Variants in IQGAP2 observed in about 807,000 individuals in gnomAD.
IQGAP2 encodes the protein IQ motif containing GTPase activating protein 2.
IQGAP2 carries 173 observed loss-of-function variants against 201.3 expected under a neutral mutation model. The ratio of observed to expected loss-of-function variants is 0.86; its 90% confidence interval spans 0.76 to 0.98. The LOEUF is 0.98. Ranked by LOEUF, IQGAP2 falls within the 50% of genes least tolerant of loss-of-function variation. IQGAP2 has a pLI of 0.00. For missense variants in IQGAP2, 1,687 were observed against 1,864.8 expected, an observed-to-expected ratio of 0.90 and a Z score of 1.76; for synonymous variants, 675 against 673.9, an observed-to-expected ratio of 1.00 and a Z score of -0.03.
At chr5:76,561,912 C>T (rs2150253716) in intron 2 of IQGAP2, among the ~76,000 whole-genome samples, 1 of 152,320 alleles carries the variant, frequency 6.6e-6, no homozygotes, top group East Asian at 1.9e-4. Flanking sequence ...TGCCCCTTTT[C>T]CATGCCTTCC....
rs377308848 is a variant in IQGAP2, at chr5:76,695,464, A to G, written c.4004A>G (p.His1335Arg). 13 of 1,613,890 alleles carry G rather than the reference A, an allele frequency of 8.1e-6. No individual in the cohort carries two copies. In the African/African-American group the frequency reaches 1.7e-4, roughly 22 times the overall value. Residue 1335 changes from histidine (H) to arginine (R), a missense_variant, in exon 32 of 36, where the codon CAT (histidine) becomes CGT (arginine). Transcript: ENST00000274364. ...TPATAQQEVD[H>R]ATDMVSRAMI... Reference sequence around the variant, plus strand: ...ATATTCTCTTTTCAGGAGGTAGACCATGCCACGGACATGGTGAGCCGTGCA... The same window carrying G: ...ATATTCTCTTTTCAGGAGGTAGACCGTGCCACGGACATGGTGAGCCGTGCA...
chr5:76,626,510 G>A (rs1023352169), intron 13 of IQGAP2, among the ~76,000 whole-genome samples: 2 of 151,756 alleles, frequency 1.3e-5, no homozygotes, highest in Non-Finnish European at 2.9e-5. Context: ...ACCTCAAGTG[G>A]TCCACCACCC....
At chr5:76,517,519 G>C (rs924707168) in intron 2 of IQGAP2, among the ~76,000 whole-genome samples, 1 of 151,730 alleles carries the variant, frequency 6.6e-6, no homozygotes, top group Non-Finnish European at 1.5e-5. Context: ...AGTCTGAGTT[G>C]GGAGGATCGC....
intron 6 of IQGAP2, 37 bp from the exon 7 acceptor site, chr5:76,589,578 C>A: frequency 8.4e-7 from 1 of 1,187,862 alleles, no homozygotes; most frequent in South Asian, 1.4e-5. Context: ...CTGTAGCTTT[C>A]TCTGATAATG....
At chr5:76,664,167 T>C (rs1362181440) in intron 21 of IQGAP2, among the ~76,000 whole-genome samples, 1 of 152,244 alleles carries the variant, frequency 6.6e-6, no homozygotes, top group African/African-American at 2.4e-5. Flanking sequence ...TTCTAGCTTT[T>C]GATTTAAAGT....
At chr5:76,428,844 G>C (rs901288259) in intron 1 of IQGAP2, among the ~76,000 whole-genome samples, 1 of 151,314 alleles carries the variant, frequency 6.6e-6, no homozygotes, top group Non-Finnish European at 1.5e-5. Context: ...TGTAATCCCA[G>C]CACTGTGGGA....
At chr5:76,408,060 C>A (rs1347722380) in intron 1 of IQGAP2, among the ~76,000 whole-genome samples, 1 of 152,044 alleles carries the variant, frequency 6.6e-6, no homozygotes, top group Non-Finnish European at 1.5e-5. Flanking sequence ...ATAGGGGAAT[C>A]CCAAGCAGGG....
rs561413076 is a variant in IQGAP2 at position 76,644,840 on chromosome 5, A to G, written c.2094+3737A>G. ...ATGAGGCATGTAGTATTCTGCTTCTATGGAACAAAAAAATTCTTTTATTAT... is the reference window on the plus strand; with the variant it reads ...ATGAGGCATGTAGTATTCTGCTTCTGTGGAACAAAAAAATTCTTTTATTAT... On this transcript the variant is annotated intron_variant, in intron 17 of 35. Coordinates refer to ENST00000274364, the MANE Select transcript of IQGAP2 (RefSeq NM_006633.5). Among the ~76,000 whole-genome samples the G allele has an allele frequency of 5.3e-5, 8 of 152,314 alleles. No homozygotes were observed. The South Asian group carries it at 1.0e-3, about 20-fold the overall frequency.
At chr5:76,530,226 C>T (rs370308559) in intron 2 of IQGAP2, among the ~76,000 whole-genome samples, 2 of 152,030 alleles carry the variant, frequency 1.3e-5, no homozygotes, top group South Asian at 2.1e-4. Context: ...TTATGCTATT[C>T]TTTTTTAAAA....
chr5:76,522,349 A>C (rs1473535396), intron 2 of IQGAP2, among the ~76,000 whole-genome samples: 1 of 151,800 alleles, frequency 6.6e-6, no homozygotes, highest in South Asian at 2.1e-4. Flanking sequence ...TGCCCTGCTA[A>C]TTTTTGTATT....
At chr5:76,628,605 C>G (rs1191343905) in intron 14 of IQGAP2, 19 of 398,608 alleles carry the variant, frequency 4.8e-5, no homozygotes, top group African/African-American at 4.3e-5. Context: ...ACTAACCTGC[C>G]AACTGATGGC....
intron 5 of IQGAP2, among the ~76,000 whole-genome samples, chr5:76,588,283 T>A (rs755466870): frequency 6.6e-6 from 1 of 152,178 alleles, no homozygotes; most frequent in Non-Finnish European, 1.5e-5. Flanking sequence ...AGCTCTCAAG[T>A]TCTTTTCTCA....
chr5:76,465,269 A>G (rs1451719674), intron 2 of IQGAP2, among the ~76,000 whole-genome samples: 1 of 152,240 alleles, frequency 6.6e-6, no homozygotes, highest in Non-Finnish European at 1.5e-5. Context: ...CTGAAAGTCA[A>G]TATCATAGAC....
intron 17 of IQGAP2, among the ~76,000 whole-genome samples, chr5:76,649,611 T>G (rs1752352825): frequency 6.6e-6 from 1 of 152,358 alleles, no homozygotes; most frequent in East Asian, 1.9e-4. Context: ...GTGGTTTCTC[T>G]CAAGGGATGG....
intron 2 of IQGAP2, among the ~76,000 whole-genome samples, chr5:76,514,743 G>T (rs1317292140): frequency 6.6e-6 from 1 of 152,198 alleles, no homozygotes; most frequent in Non-Finnish European, 1.5e-5. Context: ...ACATCACGTT[G>T]TACTTGCCTC....
At chr5:76,674,793 G>C in intron 27 of IQGAP2, 84 bp downstream of exon 27, 1 of 1,007,392 alleles carries the variant, frequency 9.9e-7, no homozygotes, top group East Asian at 2.5e-5. Flanking sequence ...GCTAGAGTGG[G>C]CATGGAGGAC....
chr5:76,520,437 C>T (rs971486733), intron 2 of IQGAP2, among the ~76,000 whole-genome samples: 3 of 152,222 alleles, frequency 2.0e-5, no homozygotes, highest in African/African-American at 4.8e-5. Context: ...GCTGGGATTA[C>T]AAGCGTGAGC....
chr5:76,476,832 A>T (rs1278847195), intron 2 of IQGAP2, among the ~76,000 whole-genome samples: 2 of 152,148 alleles, frequency 1.3e-5, no homozygotes, highest in African/African-American at 4.8e-5. Flanking sequence ...AGTGACTAAA[A>T]CCTTATGACC....
chr5:76,581,688 C>T (rs1302013875), intron 5 of IQGAP2, among the ~76,000 whole-genome samples: 1 of 152,130 alleles, frequency 6.6e-6, no homozygotes, highest in African/African-American at 2.4e-5. Flanking sequence ...TTTAACTCTT[C>T]AGGAGGTTTA....
Sources: gnomAD v4.1 joint callset for allele counts (sites outside exome capture counted in the v4.1 genomes callset) on GRCh38, gnomAD v4.1.1 for gene constraint, MANE v1.5 for transcripts, NCBI Gene and HGNC (gene_info 2026-07-23, HGNC 2026-07-21) for gene names.